SNCAIP: variants seen among roughly 807,000 people sequenced by gnomAD.
SNCAIP encodes the protein synphilin-1.
In SNCAIP, 43 loss-of-function variants were observed where a neutral mutation model predicts 86.7. The observed-to-expected ratio is 0.50, with a 90% CI of 0.39 to 0.64. The LOEUF (loss-of-function observed/expected upper bound fraction) is 0.64, where lower values mean the gene tolerates loss of function less well. Ranked by LOEUF, SNCAIP falls within the 30% of genes least tolerant of loss-of-function variation. SNCAIP has a pLI of 0.00. For synonymous variants in SNCAIP, 417 were observed against 427.2 expected (o/e 0.98, Z 0.29); for missense variants, 981 against 1,103.1 (o/e 0.89, Z 1.57).
intron 1 of SNCAIP, among the ~76,000 whole-genome samples, chr5:122,345,618 G>A (rs753225570): frequency 2.6e-5 from 4 of 152,128 alleles, no homozygotes; most frequent in Admixed American, 1.3e-4. Context: ...CCCATCCTCC[G>A]TTTATGGTAT....
chr5:122,441,314 T>C (rs1387486104), intron 7 of SNCAIP: 1 of 156,190 alleles, frequency 6.4e-6, no homozygotes, highest in Non-Finnish European at 1.4e-5. Context: ...CAGATATTGG[T>C]CCTCTCCGCC....
In SNCAIP at chr5:122,331,861, C is replaced by T. The variant is rs73283431; in HGVS notation, c.-47+19577C>T. Among the ~76,000 whole-genome samples the T allele has an allele frequency of 9.6e-3, 1,455 of 152,296 alleles. 21 individuals are homozygous for T. The highest frequency in any genetic ancestry group is 0.034 in the African/African-American group (1,393 of 41,544). On this transcript the variant is annotated intron_variant, in intron 1 of 10. Coordinates refer to ENST00000261368, the MANE Select transcript of SNCAIP (RefSeq NM_005460.4). Reference sequence around the variant, plus strand: ...CTATCTCCCCCACCAAAATATTAGACGATACATGAAAGACTTTCTTTTTGC... The same window carrying T: ...CTATCTCCCCCACCAAAATATTAGATGATACATGAAAGACTTTCTTTTTGC...
intron 10 of SNCAIP, among the ~76,000 whole-genome samples, chr5:122,458,610 C>T (rs983133379): frequency 4.6e-5 from 7 of 152,196 alleles, no homozygotes; most frequent in African/African-American, 1.4e-4. Flanking sequence ...ATCCTTCCCC[C>T]GGCCAGTCAC....
intron 7 of SNCAIP, chr5:122,441,041 A>C: frequency 5.9e-6 from 2 of 338,318 alleles, no homozygotes; most frequent in Non-Finnish European, 1.1e-5. Flanking sequence ...TAGACATTAA[A>C]TTTCCCCATG....
intron 2 of SNCAIP, among the ~76,000 whole-genome samples, chr5:122,400,430 C>T (rs532282162): frequency 5.9e-5 from 9 of 152,358 alleles, no homozygotes; most frequent in South Asian, 2.1e-4. Context: ...AATATGTACA[C>T]GTCTTGTTAT....
chr5:122,401,085 G>GT, intron 2 of SNCAIP: 3 of 1,550,110 alleles, frequency 1.9e-6, no homozygotes, highest in Non-Finnish European at 2.6e-6. Context: ...CAAACTGACA[G>GT]TAGTTGCTGC....
At chr5:122,346,944 A>G (rs908446608) in intron 1 of SNCAIP, among the ~76,000 whole-genome samples, 3 of 152,098 alleles carry the variant, frequency 2.0e-5, no homozygotes, top group Admixed American at 1.3e-4. Context: ...TATGGATACA[A>G]TTATAGATAT....
At chr5:122,440,518 T>A in intron 6 of SNCAIP, 111 bp from the exon 7 acceptor site, 1 of 1,001,906 alleles carries the variant, frequency 1.0e-6, no homozygotes, top group Non-Finnish European at 1.6e-6. Context: ...CTTGCTACGG[T>A]AAGCATGGTT....
At chr5:122,397,388 A>T (rs1770840410) in intron 2 of SNCAIP, among the ~76,000 whole-genome samples, 2 of 152,118 alleles carry the variant, frequency 1.3e-5, no homozygotes. Flanking sequence ...GCCTGACTAC[A>T]CATTATATTA....
At chr5:122,323,150 C>T (rs1010194718) in intron 1 of SNCAIP, among the ~76,000 whole-genome samples, 5 of 152,232 alleles carry the variant, frequency 3.3e-5, no homozygotes, top group East Asian at 1.9e-4. Context: ...CGGGCAACAG[C>T]GCCTCAGAGA....
chr5:122,354,295 A>T (rs552790014), intron 1 of SNCAIP, among the ~76,000 whole-genome samples: 22 of 152,298 alleles, frequency 1.4e-4, no homozygotes, highest in African/African-American at 4.8e-4. Context: ...GTTTCATTGT[A>T]TTCAAGGAAA....
chr5:122,369,503 G>A (rs994359311), intron 1 of SNCAIP, among the ~76,000 whole-genome samples: 5 of 152,164 alleles, frequency 3.3e-5, no homozygotes, highest in Non-Finnish European at 7.3e-5. Flanking sequence ...ATAACTTTTA[G>A]CAGTCTGAGA....
rs1247461769 is a variant in SNCAIP at position 122,451,341 on chromosome 5, C to A, written c.2494C>A (p.Leu832Met). The change falls in exon 10 of 11, where the codon CTG becomes ATG. Residue 832 changes from leucine to methionine, a missense_variant. Coordinates refer to ENST00000261368, the MANE Select transcript of SNCAIP (RefSeq NM_005460.4). ...VVQMEQPSLELNGEKDKDKGR... is the reference protein window; with the variant it reads ...VVQMEQPSLEMNGEKDKDKGR... ...GCAGATGGAGCAGCCTAGCCTTGAA[C>A]TGAATGGAGAAAAAGACAAAGATAA... 3.7e-6 allele frequency: 6 copies of A among 1,613,992 alleles called. No individual in the cohort carries two copies. The highest frequency in any genetic ancestry group is 5.1e-6 in the Non-Finnish European group (6 of 1,180,012).
At chr5:122,400,848 A>G (rs1771655410) in intron 2 of SNCAIP, 1 of 932,694 alleles carries the variant, frequency 1.1e-6, no homozygotes, top group Non-Finnish European at 1.5e-6. Context: ...GAAGTCTGGA[A>G]AACAAATTTA....
Position 122,335,936 on chromosome 5 carries a change from A to G in SNCAIP, c.-47+23652A>G, listed in dbSNP as rs1377598706. Among the ~76,000 whole-genome samples the G allele has an allele frequency of 2.6e-5, 4 of 152,346 alleles. No individual in the cohort carries two copies. In the South Asian group the frequency reaches 8.3e-4, roughly 32 times the overall value. ...GGGCGAATATGTCCTTAAGTCCTGTAAAAGAACCTGGCGATTCATGACAAT... is the reference window on the plus strand; with the variant it reads ...GGGCGAATATGTCCTTAAGTCCTGTGAAAGAACCTGGCGATTCATGACAAT... On this transcript the variant is annotated intron_variant, in intron 1 of 10. Coordinates refer to ENST00000261368, the MANE Select transcript of SNCAIP (RefSeq NM_005460.4).
intron 1 of SNCAIP, chr5:122,312,670 G>GATA (rs1200625059): frequency 4.6e-5 from 7 of 152,332 alleles, no homozygotes; most frequent in Non-Finnish European, 8.8e-5. Context: ...GAAAAGCTGA[G>GATA]ATAAGGAGGG....
intron 3 of SNCAIP, among the ~76,000 whole-genome samples, chr5:122,420,554 G>T (rs1225726945): frequency 2.0e-5 from 3 of 149,700 alleles, no homozygotes; most frequent in East Asian, 2.0e-4. Flanking sequence ...TAATAAGAGT[G>T]TATCTCAGAA....
intron 1 of SNCAIP, among the ~76,000 whole-genome samples, chr5:122,358,189 GTGTGTGTGTGTGTGTA>G (rs1254062568): frequency 2.9e-3 from 262 of 91,664 alleles, no homozygotes; most frequent in African/African-American, 0.011. Flanking sequence ...GTGTGTGTGT[GTGTGTGTGTGTGTGTA>G]TATATATATA....
chr5:122,423,492 A>G lies in SNCAIP; in HGVS notation c.755A>G (p.Glu252Gly). 1 of 1,614,232 alleles carries G rather than the reference A, an allele frequency of 6.2e-7. No individual in the cohort carries two copies. Among genetic ancestry groups the G allele is most frequent in the Non-Finnish European group, 8.5e-7 (1 of 1,180,036 alleles). ...AAATGTGGCTCTGCATATGAGCCTG[A>G]AAACCAGAGTAAAGACTTCCTAAAC... The part of the protein sequence containing the change: ...LVKCGSAYEP[E>G]NQSKDFLNKT... The change falls in exon 4 of 11, where the codon GAA becomes GGA. Residue 252 changes from glutamate (E) to glycine (G), a missense_variant. By Grantham distance (98) the Glu-to-Gly change is moderately conservative. Coordinates refer to ENST00000261368, the MANE Select transcript of SNCAIP (RefSeq NM_005460.4).
Sources: gnomAD v4.1 joint callset for allele counts (sites outside exome capture counted in the v4.1 genomes callset) on GRCh38, gnomAD v4.1.1 for gene constraint, MANE v1.5 for transcripts, NCBI Gene and HGNC (gene_info 2026-07-23, HGNC 2026-07-21) for gene names.